The following CNTN5 variants were observed in gnomAD, a reference collection of about 807,000 sequenced individuals.
CNTN5 encodes the protein contactin 5, also known as contactin-5.
In CNTN5, 77 loss-of-function variants were observed where a neutral mutation model predicts 129.1. The ratio of observed to expected loss-of-function variants is 0.60; its 90% confidence interval spans 0.50 to 0.72. The LOEUF is 0.72. Among genes scored for constraint, CNTN5 ranks in the 30% least tolerant of loss-of-function variants. CNTN5 has a pLI of 0.00. For synonymous variants in CNTN5, 509 were observed against 465.6 expected, an observed-to-expected ratio of 1.09 and a Z score of -1.20; for missense variants, 1,478 against 1,328.8, an observed-to-expected ratio of 1.11 and a Z score of -1.75.
chr11:99,379,297 A>AT lies in CNTN5; in HGVS notation c.-71+53821dup, dbSNP rs538201886. 1.8e-4 allele frequency among the ~76,000 whole-genome samples: 27 copies of AT among 150,812 alleles called. 1 individual carries two copies. The South Asian group carries it at 4.2e-3, about 23-fold the overall frequency. On this transcript the variant is annotated intron_variant, in intron 2 of 24. Transcript: ENST00000524871. The stretch of plus-strand genomic sequence containing the variant: ...TATACGAATAACTATGATGAAGTTG[A>AT]TTTTTTTTATATTATCTCTAACTTA...
chr11:99,627,868 T>A (rs1371166771), intron 3 of CNTN5, among the ~76,000 whole-genome samples: 2 of 151,084 alleles, frequency 1.3e-5, no homozygotes, highest in Non-Finnish European at 2.9e-5. Context: ...ATGCAGATTA[T>A]TCCCCTGTTC....
chr11:99,816,272 C>G (rs1487019816), intron 3 of CNTN5, among the ~76,000 whole-genome samples: 1 of 152,084 alleles, frequency 6.6e-6, no homozygotes, highest in African/African-American at 2.4e-5. Context: ...TTTTCAACAC[C>G]CTATTTCTTA....
At chr11:100,123,298 A>C (rs1946085951) in intron 13 of CNTN5, among the ~76,000 whole-genome samples, 1 of 152,016 alleles carries the variant, frequency 6.6e-6, no homozygotes, top group Non-Finnish European at 1.5e-5. Flanking sequence ...TTATTGTTAG[A>C]TAAAAATCAG....
chr11:100,026,490 T>A (rs922307029), intron 9 of CNTN5, among the ~76,000 whole-genome samples: 8 of 152,220 alleles, frequency 5.3e-5, no homozygotes, highest in Non-Finnish European at 8.8e-5. Context: ...TGTACTATTT[T>A]GCATTTTCAC....
chr11:99,336,478 T>C (rs1453000231), intron 2 of CNTN5, among the ~76,000 whole-genome samples: 1 of 152,212 alleles, frequency 6.6e-6, no homozygotes, highest in African/African-American at 2.4e-5. Flanking sequence ...AGAAATATTA[T>C]TGTGAAATAA....
At chr11:99,382,845 C>CCTT (rs1417732458) in intron 2 of CNTN5, among the ~76,000 whole-genome samples, 1 of 77,044 alleles carries the variant, frequency 1.3e-5, no homozygotes, top group South Asian at 5.7e-4. Context: ...CTCTAAATAA[C>CCTT]TTTTTTTTTT....
At chr11:100,290,026 A>C (rs879271098) in intron 18 of CNTN5, among the ~76,000 whole-genome samples, 1 of 150,178 alleles carries the variant, frequency 6.7e-6, no homozygotes, top group African/African-American at 2.4e-5. Context: ...AGAGAATAAA[A>C]TACCTAGGAA....
At chr11:99,616,064 G>T (rs551346698) in intron 3 of CNTN5, among the ~76,000 whole-genome samples, 1 of 152,024 alleles carries the variant, frequency 6.6e-6, no homozygotes, top group Non-Finnish European at 1.5e-5. Flanking sequence ...CACCTGTTCT[G>T]TATACACTTC....
chr11:99,370,132 G>A (rs562503029), intron 2 of CNTN5, among the ~76,000 whole-genome samples: 29 of 152,254 alleles, frequency 1.9e-4, no homozygotes, highest in Admixed American at 3.3e-4. Flanking sequence ...AGATTATTTG[G>A]AGGAATCAAA....
At chr11:99,516,297 C>T (rs926685846) in intron 2 of CNTN5, among the ~76,000 whole-genome samples, 17 of 152,008 alleles carry the variant, frequency 1.1e-4, no homozygotes, top group African/African-American at 4.1e-4. Context: ...GTAGAATTTT[C>T]TCAAACTAAG....
intron 18 of CNTN5, among the ~76,000 whole-genome samples, chr11:100,277,599 T>C (rs559037809): frequency 2.6e-5 from 4 of 152,224 alleles, no homozygotes; most frequent in African/African-American, 9.6e-5. Context: ...TTTCATATGC[T>C]CAGACTTATA....
intron 21 of CNTN5, among the ~76,000 whole-genome samples, chr11:100,318,880 A>G (rs570859082): frequency 6.6e-6 from 1 of 152,350 alleles, no homozygotes; most frequent in East Asian, 1.9e-4. Flanking sequence ...TTGCTAATTG[A>G]CTAAATGCCA....
intron 3 of CNTN5, among the ~76,000 whole-genome samples, chr11:99,718,613 G>A (rs2135009964): frequency 6.6e-6 from 1 of 152,226 alleles, no homozygotes; most frequent in African/African-American, 2.4e-5. Flanking sequence ...TATGTTAGGA[G>A]CACACATCTA....
chr11:99,703,680 G>T (rs1174177761), intron 3 of CNTN5, among the ~76,000 whole-genome samples: 3 of 150,848 alleles, frequency 2.0e-5, no homozygotes, highest in African/African-American at 7.3e-5. Flanking sequence ...AAAAGCCACA[G>T]ACATATCTAA....
chr11:100,169,858 C>T lies in CNTN5; in HGVS notation c.1581-21268C>T, dbSNP rs142809240. Among the ~76,000 whole-genome samples, 60 of 152,070 alleles carry T rather than the reference C, an allele frequency of 3.9e-4. No homozygotes were observed. In the East Asian group the frequency reaches 0.011, roughly 29 times the overall value. On this transcript the variant is annotated intron_variant, in intron 13 of 24. Transcript: ENST00000524871. Reference sequence around the variant, plus strand: ...TGCTCATATCTTCATTGACTATGCTCATTCACACCGGCCTTCTCTCTGTCC... The same window carrying T: ...TGCTCATATCTTCATTGACTATGCTTATTCACACCGGCCTTCTCTCTGTCC...
intron 18 of CNTN5, among the ~76,000 whole-genome samples, chr11:100,286,329 G>C (rs1338454442): frequency 1.3e-5 from 2 of 152,076 alleles, no homozygotes; most frequent in Non-Finnish European, 2.9e-5. Flanking sequence ...AAAGACAGCA[G>C]GAACCTCTGC....
intron 3 of CNTN5, among the ~76,000 whole-genome samples, chr11:99,744,812 T>C (rs1371442539): frequency 6.6e-6 from 1 of 151,998 alleles, no homozygotes; most frequent in Non-Finnish European, 1.5e-5. Context: ...ACTGCGACTC[T>C]TTAAGCACAG....
chr11:100,345,233 A>G (rs1952253283), intron 23 of CNTN5, among the ~76,000 whole-genome samples: 1 of 152,174 alleles, frequency 6.6e-6, no homozygotes, highest in Non-Finnish European at 1.5e-5. Flanking sequence ...GGTTTCCACA[A>G]TGGTGACTTG....
intron 2 of CNTN5, among the ~76,000 whole-genome samples, chr11:99,355,235 C>T (rs1938560156): frequency 6.6e-6 from 1 of 152,122 alleles, no homozygotes; most frequent in Non-Finnish European, 1.5e-5. Flanking sequence ...GATGCCTTGC[C>T]TGATACTACA....
Sources: gnomAD v4.1 joint callset for allele counts (sites outside exome capture counted in the v4.1 genomes callset) on GRCh38, gnomAD v4.1.1 for gene constraint, MANE v1.5 for transcripts, NCBI Gene and HGNC (gene_info 2026-07-23, HGNC 2026-07-21) for gene names.